Variants in DYNC1LI2 observed in about 807,000 individuals in gnomAD.
DYNC1LI2 encodes cytoplasmic dynein 1 light intermediate chain 2.
Under a neutral mutation model 57.8 loss-of-function variants are expected in DYNC1LI2, and 19 were observed. The ratio of observed to expected loss-of-function variants is 0.33; its 90% CI spans 0.23 to 0.48. The LOEUF is 0.48. DYNC1LI2 is among the 20% of genes least tolerant of loss of function. The pLI is 0.99. For missense variants in DYNC1LI2, 470 were observed against 604.2 expected (o/e 0.78, Z 2.33); for synonymous variants, 256 against 233.4 (o/e 1.10, Z -0.88).
chr16:66,721,054 A>T lies in DYNC1LI2; in HGVS notation c.*2668T>A, dbSNP rs976286391. On this transcript the variant is annotated 3_prime_UTR_variant, in exon 13 of 13. Coordinates refer to ENST00000258198, the MANE Select transcript of DYNC1LI2 (RefSeq NM_006141.3). ...GGGATAATCTGCAGTCTTACTTTTAAGTTAGAAACACCAATAAATTTAGTA... is the reference window on the plus strand; with the variant it reads ...GGGATAATCTGCAGTCTTACTTTTATGTTAGAAACACCAATAAATTTAGTA... 1.2e-4 allele frequency: 18 copies of T among 152,784 alleles called. No individual in the cohort carries two copies. Among genetic ancestry groups the T allele is most frequent in the African/African-American group, 4.3e-4 (18 of 41,586 alleles). 9.5% of individuals were successfully genotyped at this position (152,784 alleles called of 1,614,324 possible).
intron 3 of DYNC1LI2, among the ~76,000 whole-genome samples, 186 bp from the exon 4 acceptor site, chr16:66,742,854 C>T (rs1417333613): frequency 6.6e-6 from 1 of 152,104 alleles, no homozygotes; most frequent in African/African-American, 2.4e-5. Flanking sequence ...GTCCTGGTGC[C>T]TTTAAAACTA....
chr16:66,750,078 A>G (rs1285768446), intron 2 of DYNC1LI2, among the ~76,000 whole-genome samples: 5 of 152,172 alleles, frequency 3.3e-5, no homozygotes, highest in Non-Finnish European at 7.3e-5. Flanking sequence ...CAATGCCTCT[A>G]CCTTATTCAG....
chr16:66,727,746 G>A lies in DYNC1LI2; in HGVS notation c.1203C>T (p.Ala401=), dbSNP rs779406085. Residue 401 remains alanine, a synonymous_variant, in exon 11 of 13, where the codon GCC becomes GCT. Transcript: ENST00000258198. ...TGCCTGGGGAGGAGCTAGGCACACT[G>A]GCTGGCCCTCCCCGACCCTGGGTCC... ...SPRTQGRGGP[A]SVPSSSPGTS... The A allele has an allele frequency of 6.2e-7, 1 of 1,614,126 alleles. No individual in the cohort carries two copies. The highest frequency in any genetic ancestry group is 8.5e-7 in the Non-Finnish European group (1 of 1,180,004).
intron 3 of DYNC1LI2, among the ~76,000 whole-genome samples, chr16:66,748,305 A>AAAAAAAAAAAAAAAAAAAAAAAAAAAT (rs1441454828): frequency 7.3e-6 from 1 of 137,342 alleles, no homozygotes; most frequent in African/African-American, 2.8e-5. Flanking sequence ...AAAAAAAAAA[A>AAAAAAAAAAAAAAAAAAAAAAAAAAAT]CTAACATAAA....
chr16:66,737,535 A>T (rs925363353), intron 4 of DYNC1LI2, among the ~76,000 whole-genome samples: 1 of 149,458 alleles, frequency 6.7e-6, no homozygotes, highest in Non-Finnish European at 1.5e-5. Context: ...ATTGAATTTT[A>T]TAAGAACATG....
At chr16:66,748,285 A>C (rs2017975730) in intron 3 of DYNC1LI2, among the ~76,000 whole-genome samples, 1 of 150,732 alleles carries the variant, frequency 6.6e-6, no homozygotes, top group Non-Finnish European at 1.5e-5. Flanking sequence ...CTCAAAAAAA[A>C]AAAAAAAAAA....
At chr16:66,734,142 G>C (rs2017687173) in intron 6 of DYNC1LI2, 76 bp downstream of exon 6, 1 of 1,370,638 alleles carries the variant, frequency 7.3e-7, no homozygotes, top group Admixed American at 1.9e-5. Context: ...GGTTTGGGAG[G>C]TGCTTTATCT....
At chr16:66,748,277 CAAAAAAAAA>C (rs36186799) in intron 3 of DYNC1LI2, among the ~76,000 whole-genome samples, 6 of 66,056 alleles carry the variant, frequency 9.1e-5, no homozygotes, top group African/African-American at 2.2e-4. Flanking sequence ...AACCCTGTCT[CAAAAAAAAA>C]AAAAAAAAAA....
At chr16:66,749,339 G>C (rs755804680) in intron 2 of DYNC1LI2, 26 bp from the exon 3 acceptor site, 12 of 1,608,596 alleles carry the variant, frequency 7.5e-6, no homozygotes, top group Non-Finnish European at 1.0e-5. Flanking sequence ...GCAAGACAAA[G>C]GTGTACTGTT....
At chr16:66,741,971 C>A (rs2017847118) in intron 4 of DYNC1LI2, among the ~76,000 whole-genome samples, 1 of 144,738 alleles carries the variant, frequency 6.9e-6, no homozygotes, top group Non-Finnish European at 1.5e-5. Context: ...CCAAAATGAA[C>A]TAAGGAGCTG....
At chr16:66,731,768 CAG>C (rs1194230417) in intron 7 of DYNC1LI2, 4 of 152,296 alleles carry the variant, frequency 2.6e-5, no homozygotes, top group Non-Finnish European at 5.9e-5. Flanking sequence ...CAAGTCTTGT[CAG>C]AGACCACAGC....
Position 66,736,061 on chromosome 16 carries a change from C to T in DYNC1LI2, c.699+14G>A. Reference sequence around the variant, plus strand: ...ACCCGAACCCAGCCAAGCCAACAACCCCCTGGCACACACCTTTGTGCACAC... The same window carrying T: ...ACCCGAACCCAGCCAAGCCAACAACTCCCTGGCACACACCTTTGTGCACAC... On this transcript the variant is annotated intron_variant, in intron 5 of 12. Coordinates refer to ENST00000258198, the MANE Select transcript of DYNC1LI2 (RefSeq NM_006141.3). 6.2e-7 allele frequency: 1 copy of T among 1,607,124 alleles called. No homozygotes were observed. Among genetic ancestry groups the T allele is most frequent in the Non-Finnish European group, 8.5e-7 (1 of 1,174,376 alleles).
Position 66,749,055 on chromosome 16 carries a change from G to A in DYNC1LI2, c.298+142C>T, listed in dbSNP as rs552155130. On this transcript the variant is annotated intron_variant, in intron 3 of 12. Transcript: ENST00000258198. ...GGGGGTTAAGTCCTGCAAAAGATAC[G>A]TACTTCATCTATTCTGTGATTAACT... 3.4e-4 allele frequency: 267 copies of A among 791,968 alleles called. 5 individuals are homozygous for A. The South Asian group carries it at 4.0e-3, about 12-fold the overall frequency. 49.1% of individuals were successfully genotyped at this position (791,968 alleles called of 1,614,324 possible). A position where few individuals can be genotyped will look rare whatever the true frequency, so the allele number is the denominator to read the frequency against.
At chr16:66,730,252 G>A (rs1032402169) in intron 7 of DYNC1LI2, 29 bp from the exon 8 acceptor site, 2 of 1,595,332 alleles carry the variant, frequency 1.3e-6, no homozygotes, top group Admixed American at 3.4e-5. Flanking sequence ...GGACTGAATT[G>A]CTTTTCCTGG....
intron 4 of DYNC1LI2, among the ~76,000 whole-genome samples, chr16:66,738,501 C>T (rs937198649): frequency 6.6e-6 from 1 of 151,908 alleles, no homozygotes; most frequent in African/African-American, 2.4e-5. Flanking sequence ...CCACCCACCT[C>T]AGTCTCCCAA....
At position 66,751,496 on chromosome 16, in the gene DYNC1LI2, G is replaced by A; in HGVS notation, c.96C>T (p.Gly32=). ...GCCCGCGGCCTCACCATAGGCTCTG[G>A]CCTTCCTCCTCCTCACTGGTCAGGT... ...AGDLTSEEEE[G]QSLWSSILSE... The change falls in exon 1 of 13, where the codon GGC becomes GGT. Residue 32 remains glycine (G), a synonymous_variant. Transcript: ENST00000258198. The surrounding 1 kb of genome is among the most constrained non-coding windows in gnomAD (Gnocchi z 5.2). 2 of 1,589,808 alleles carry A rather than the reference G, an allele frequency of 1.3e-6. No individual in the cohort carries two copies. The highest frequency in any genetic ancestry group is 2.4e-5 in the East Asian group (1 of 41,616).
chr16:66,725,285 G>C lies in DYNC1LI2; in HGVS notation c.1378+543C>G, dbSNP rs138316162. Among the ~76,000 whole-genome samples, 116 of 151,706 alleles carry C rather than the reference G, an allele frequency of 7.6e-4. No homozygotes were observed. The East Asian group carries it at 0.019, about 25-fold the overall frequency. On this transcript the variant is annotated intron_variant, in intron 12 of 12. Transcript: ENST00000258198. Reference sequence around the variant, plus strand: ...CCTGGGGTCAGGAATTCCAAGACCAGCCTGGCCAACATGATGAAACCACAT... The same window carrying C: ...CCTGGGGTCAGGAATTCCAAGACCACCCTGGCCAACATGATGAAACCACAT...
At position 66,751,347 on chromosome 16, in the gene DYNC1LI2, C is replaced by T. The variant is rs750614773; in HGVS notation, c.108-1G>A. On this transcript the variant is annotated splice_acceptor_variant, in intron 1 of 12. Transcript: ENST00000258198. LOFTEE classifies it high-confidence loss of function. The surrounding 1 kb of genome is among the most constrained non-coding windows in gnomAD (Gnocchi z 5.2). Reference sequence around the variant, plus strand: ...GGACACTTCGCTCAGAATGGAGGACCTGTGGCGACAATGGCAAGAGTGGTC... The same window carrying T: ...GGACACTTCGCTCAGAATGGAGGACTTGTGGCGACAATGGCAAGAGTGGTC... 6.2e-7 allele frequency: 1 copy of T among 1,611,404 alleles called. No individual in the cohort carries two copies.
At chr16:66,749,353 T>A (rs779019988) in intron 2 of DYNC1LI2, 40 bp from the exon 3 acceptor site, 106 of 1,596,684 alleles carry the variant, frequency 6.6e-5, no homozygotes, top group Non-Finnish European at 5.1e-5. Flanking sequence ...TACTGTTTAT[T>A]CCGGGCAAGG....
Sources: gnomAD v4.1 joint callset for allele counts (sites outside exome capture counted in the v4.1 genomes callset) on GRCh38, gnomAD v4.1.1 for gene constraint, Gnocchi (gnomAD v3.1) non-coding constraint, MANE v1.5 for transcripts, NCBI Gene and HGNC (gene_info 2026-07-23, HGNC 2026-07-21) for gene names.